Variants in ZC3H12D observed in about 807,000 individuals in gnomAD.
ZC3H12D encodes the protein probable ribonuclease ZC3H12D.
Under a neutral mutation model 24.2 loss-of-function variants are expected in ZC3H12D, and 11 were observed. The ratio of observed to expected loss-of-function variants is 0.46; its 90% CI spans 0.29 to 0.75. The LOEUF (loss-of-function observed/expected upper bound fraction) is 0.75, where lower values mean the gene tolerates loss of function less well. Ranked by LOEUF, ZC3H12D falls within the 30% of genes least tolerant of loss-of-function variation. The pLI is 0.11. For synonymous variants in ZC3H12D, 333 were observed against 341.8 expected (o/e 0.97, Z 0.28); for missense variants, 740 against 767.7 (o/e 0.96, Z 0.43).
Position 149,480,945 on chromosome 6 carries a change from T to C in ZC3H12D, c.-71+3868A>G, listed in dbSNP as rs867504882. ...CCCTCCAGGCTCTTGGCCACCTGCC[T>C]CCAGCCCAGCCTCACCTCCTCCCTG... is the stretch of plus-strand genomic sequence containing the variant. On this transcript the variant is annotated intron_variant, in intron 1 of 5. Coordinates refer to ENST00000409806, the MANE Select transcript of ZC3H12D (RefSeq NM_207360.3). 3.9e-4 allele frequency among the ~76,000 whole-genome samples: 59 copies of C among 151,704 alleles called. 1 individual carries two copies. Among genetic ancestry groups the C allele is most frequent in the African/African-American group, 1.4e-3 (56 of 41,410 alleles).
intron 2 of ZC3H12D, among the ~76,000 whole-genome samples, chr6:149,473,283 C>T (rs1169566432): frequency 6.6e-6 from 1 of 152,230 alleles, no homozygotes; most frequent in Non-Finnish European, 1.5e-5. Context: ...CTCTCGGAGG[C>T]TCTGTTGACA....
intron 2 of ZC3H12D, among the ~76,000 whole-genome samples, chr6:149,469,193 C>G (rs549697900): frequency 6.6e-6 from 1 of 152,172 alleles, no homozygotes; most frequent in Non-Finnish European, 1.5e-5. Context: ...AGCGATGGCT[C>G]AAGCCTGTAA....
At position 149,450,530 on chromosome 6, in the gene ZC3H12D, C is replaced by T; in HGVS notation, c.*153G>A. On this transcript the variant is annotated 3_prime_UTR_variant, in exon 6 of 6. Transcript: ENST00000409806. ...AAGTGCCACCAGGCCCCCACAACCC[C>T]GCTCAGGAGGAGGAAGCAGGCTTCC... 2 of 843,434 alleles carry T rather than the reference C, an allele frequency of 2.4e-6. No homozygotes were observed. Among genetic ancestry groups the T allele is most frequent in the Non-Finnish European group, 1.7e-6 (1 of 572,416 alleles). 52.2% of individuals were successfully genotyped at this position (843,434 alleles called of 1,614,324 possible). A position where few individuals can be genotyped will look rare whatever the true frequency, so the allele number is the denominator to read the frequency against.
chr6:149,462,012 G>C (rs1198035771), intron 2 of ZC3H12D, 42 bp from the exon 3 acceptor site: 1 of 1,582,408 alleles, frequency 6.3e-7, no homozygotes, highest in Non-Finnish European at 8.6e-7. Flanking sequence ...CACAGCAAGT[G>C]TTCCTAAGAG....
chr6:149,454,262 C>T (rs1285631455), intron 4 of ZC3H12D, among the ~76,000 whole-genome samples: 1 of 152,242 alleles, frequency 6.6e-6, no homozygotes, highest in African/African-American at 2.4e-5. Flanking sequence ...ACGCCCCTCG[C>T]TGAGTGAGGT....
chr6:149,470,986 G>A (rs1327752554), intron 2 of ZC3H12D, among the ~76,000 whole-genome samples: 3 of 152,222 alleles, frequency 2.0e-5, no homozygotes, highest in Non-Finnish European at 4.4e-5. Context: ...GGTACAGCAA[G>A]AGGTCCAGCA....
chr6:149,482,100 G>A (rs1042466799), intron 1 of ZC3H12D, among the ~76,000 whole-genome samples: 1 of 152,270 alleles, frequency 6.6e-6, no homozygotes, highest in Non-Finnish European at 1.5e-5. Flanking sequence ...GTTTTCTGAG[G>A]AGACTGAAAG....
intron 3 of ZC3H12D, among the ~76,000 whole-genome samples, chr6:149,458,125 T>TTTTGA (rs1776015514): frequency 2.0e-5 from 2 of 98,756 alleles, no homozygotes; most frequent in Non-Finnish European, 3.7e-5. Flanking sequence ...TTTTTTTTCG[T>TTTTGA]TTCTTTTTTT....
Position 149,451,252 on chromosome 6 carries a change from G to A in ZC3H12D, c.1015C>T (p.Leu339=). ...SLPPARGSPD[L]AALRGSFSRL... ...GAGAAGCTCCCTCGCAGGGCGGCCAGGTCCGGGGACCCCCGCGCCGGCGGG... is the reference window on the plus strand; with the variant it reads ...GAGAAGCTCCCTCGCAGGGCGGCCAAGTCCGGGGACCCCCGCGCCGGCGGG... The change falls in exon 6 of 6, where the codon CTG becomes TTG. Residue 339 remains leucine, a synonymous_variant. Coordinates refer to ENST00000409806, the MANE Select transcript of ZC3H12D (RefSeq NM_207360.3). The A allele has an allele frequency of 7.7e-7, 1 of 1,300,642 alleles. No homozygotes were observed. The highest frequency in any genetic ancestry group is 9.7e-7 in the Non-Finnish European group (1 of 1,031,118). 80.6% of individuals were successfully genotyped at this position (1,300,642 alleles called of 1,614,324 possible).
Position 149,456,546 on chromosome 6 carries a change from A to G in ZC3H12D, c.680+120T>C. 1 of 832,952 alleles carries G rather than the reference A, an allele frequency of 1.2e-6. No homozygotes were observed. The highest frequency in any genetic ancestry group is 1.9e-6 in the Non-Finnish European group (1 of 533,570). 51.6% of individuals were successfully genotyped at this position (832,952 alleles called of 1,614,324 possible). A position where few individuals can be genotyped will look rare whatever the true frequency, so the allele number is the denominator to read the frequency against. On this transcript the variant is annotated intron_variant, in intron 4 of 5. Coordinates refer to ENST00000409806, the MANE Select transcript of ZC3H12D (RefSeq NM_207360.3). The surrounding 1 kb of genome is among the most constrained non-coding windows in gnomAD (Gnocchi z 4.3). ...TGCGGACCTGGGGGAGCTCTGTCTG[A>G]GGGGCTGGGTGACCGGGTGACCCCA...
At chr6:149,467,753 A>G (rs1446131408) in intron 2 of ZC3H12D, among the ~76,000 whole-genome samples, 3 of 151,578 alleles carry the variant, frequency 2.0e-5, no homozygotes, top group Non-Finnish European at 2.9e-5. Context: ...AGGCTGCAAA[A>G]CTCTTCCTCC....
chr6:149,478,286 C>T (rs910630813), intron 1 of ZC3H12D, among the ~76,000 whole-genome samples: 2 of 151,938 alleles, frequency 1.3e-5, no homozygotes, highest in African/African-American at 4.8e-5. Flanking sequence ...TATGTGATAT[C>T]GCAACAGCTT....
chr6:149,483,826 C>T (rs1246689703), intron 1 of ZC3H12D, among the ~76,000 whole-genome samples: 1 of 152,188 alleles, frequency 6.6e-6, no homozygotes, highest in Non-Finnish European at 1.5e-5. Flanking sequence ...GCTGGGATTA[C>T]AGGTGTGAGC....
chr6:149,460,839 A>AAAG (rs1554269266), intron 3 of ZC3H12D, among the ~76,000 whole-genome samples: 7 of 151,458 alleles, frequency 4.6e-5, no homozygotes, highest in African/African-American at 1.7e-4. Context: ...TCAAAAAAAA[A>AAAG]AAAGAAAGAA....
At chr6:149,480,123 G>A (rs374156491) in intron 1 of ZC3H12D, among the ~76,000 whole-genome samples, 12 of 152,054 alleles carry the variant, frequency 7.9e-5, no homozygotes, top group African/African-American at 2.4e-4. Flanking sequence ...ACTCAACACC[G>A]GCACTGTGCT....
chr6:149,474,830 C>T (rs1280573863), intron 1 of ZC3H12D, among the ~76,000 whole-genome samples: 1 of 152,194 alleles, frequency 6.6e-6, no homozygotes, highest in Non-Finnish European at 1.5e-5. Context: ...CCCCACACTG[C>T]CCGGCAGGGC....
chr6:149,476,830 A>AGAATAGAAT (rs1776349860), intron 1 of ZC3H12D, among the ~76,000 whole-genome samples: 1 of 152,008 alleles, frequency 6.6e-6, no homozygotes. Flanking sequence ...AGAATAGAAT[A>AGAATAGAAT]AAAATGCAGT....
intron 2 of ZC3H12D, among the ~76,000 whole-genome samples, chr6:149,462,355 C>A (rs1193387806): frequency 6.6e-6 from 1 of 151,908 alleles, no homozygotes; most frequent in Non-Finnish European, 1.5e-5. Flanking sequence ...GCCTGGGCAA[C>A]AGAGGGAGAC....
chr6:149,469,617 T>G (rs1159594049), intron 2 of ZC3H12D, among the ~76,000 whole-genome samples: 1 of 152,198 alleles, frequency 6.6e-6, no homozygotes, highest in African/African-American at 2.4e-5. Flanking sequence ...GACTCAGGTA[T>G]TCAGCTGAAT....
Sources: gnomAD v4.1 joint callset for allele counts (sites outside exome capture counted in the v4.1 genomes callset) on GRCh38, gnomAD v4.1.1 for gene constraint, Gnocchi (gnomAD v3.1) non-coding constraint, MANE v1.5 for transcripts, NCBI Gene and HGNC (gene_info 2026-07-23, HGNC 2026-07-21) for gene names.